The following RGSL1 variants were observed in gnomAD, a reference collection of about 807,000 sequenced individuals.
The protein encoded by RGSL1 is regulator of G protein signaling like 1.
A neutral mutation model predicts 124.7 loss-of-function variants in RGSL1; 97 were observed. The observed-to-expected ratio is 0.78, with a 90% confidence interval of 0.66 to 0.92. The LOEUF (loss-of-function observed/expected upper bound fraction) is 0.92. Among genes scored for constraint, RGSL1 ranks in the 40% least tolerant of loss-of-function variants. RGSL1 has a pLI of 0.00. For synonymous variants in RGSL1, 424 were observed against 438.1 expected (o/e 0.97, Z 0.40); for missense variants, 1,233 against 1,288.4 (o/e 0.96, Z 0.66).
intron 9 of RGSL1, among the ~76,000 whole-genome samples, chr1:182,497,267 ATG>A (rs368217283): frequency 0.013 from 1,978 of 148,206 alleles, 42 homozygotes; most frequent in African/African-American, 0.043. Context: ...GACTGTGTGT[ATG>A]TGTGTGTGTG....
intron 8 of RGSL1, among the ~76,000 whole-genome samples, chr1:182,490,035 T>G (rs1655402865): frequency 1.3e-5 from 2 of 152,232 alleles, no homozygotes; most frequent in Admixed American, 6.5e-5. Flanking sequence ...TGTGTATATG[T>G]GTGCACATAT....
intron 9 of RGSL1, among the ~76,000 whole-genome samples, chr1:182,497,793 T>G (rs1053608118): frequency 2.6e-5 from 4 of 152,214 alleles, no homozygotes; most frequent in Non-Finnish European, 5.9e-5. Flanking sequence ...CATGATTAGG[T>G]TCAGGTTATG....
chr1:182,505,999 T>C (rs1313394474), intron 9 of RGSL1, among the ~76,000 whole-genome samples: 1 of 152,210 alleles, frequency 6.6e-6, no homozygotes, highest in Admixed American at 6.5e-5. Context: ...TTATTGCTCT[T>C]ACTAGGTCTT....
At chr1:182,478,726 C>G (rs1271149732) in intron 6 of RGSL1, among the ~76,000 whole-genome samples, 1 of 152,012 alleles carries the variant, frequency 6.6e-6, no homozygotes, top group African/African-American at 2.4e-5. Context: ...AAATGGATAC[C>G]TAGATTTCTG....
chr1:182,555,949 T>G, intron 20 of RGSL1, 75 bp from the exon 21 acceptor site: 1 of 1,362,442 alleles, frequency 7.3e-7, no homozygotes, highest in Non-Finnish European at 1.0e-6. Context: ...GAAATGACAG[T>G]GACAAACCAA....
chr1:182,548,502 T>A (rs1210195443), intron 16 of RGSL1, 47 bp downstream of exon 16: 2 of 1,548,324 alleles, frequency 1.3e-6, no homozygotes, highest in Non-Finnish European at 1.7e-6. Flanking sequence ...AAGAAGCATT[T>A]CCCCCACAAG....
At chr1:182,453,698 A>T (rs1299734253) in intron 1 of RGSL1, 4 of 357,910 alleles carry the variant, frequency 1.1e-5, no homozygotes, top group Non-Finnish European at 2.0e-5. Context: ...GAAAAAAGAA[A>T]TCTACCACTT....
At chr1:182,493,168 T>A (rs1277470704) in intron 9 of RGSL1, 39 bp downstream of exon 9, 3 of 1,330,656 alleles carry the variant, frequency 2.3e-6, no homozygotes, top group East Asian at 5.0e-5. Flanking sequence ...GGCAACTAGG[T>A]TTTTTCAAAT....
intron 17 of RGSL1, 124 bp downstream of exon 17, chr1:182,548,948 G>C (rs1660396446): frequency 8.1e-7 from 1 of 1,242,204 alleles, no homozygotes; most frequent in Admixed American, 2.7e-5. Flanking sequence ...AACTAAGATG[G>C]TGTTTTCAAA....
chr1:182,493,222 C>A, intron 9 of RGSL1, 93 bp downstream of exon 9: 1 of 846,922 alleles, frequency 1.2e-6, no homozygotes. Flanking sequence ...GGAACATAAG[C>A]CAAAAGAGGA....
At chr1:182,509,566 C>A (rs1284675878) in intron 9 of RGSL1, among the ~76,000 whole-genome samples, 1 of 121,520 alleles carries the variant, frequency 8.2e-6, no homozygotes, top group East Asian at 2.4e-4. Context: ...CCCTCCCGGA[C>A]GGGGTGGCTG....
At chr1:182,472,082 AT>A (rs200178022) in intron 4 of RGSL1, among the ~76,000 whole-genome samples, 1 of 151,656 alleles carries the variant, frequency 6.6e-6, no homozygotes, top group African/African-American at 2.4e-5. Context: ...CCCAATCTTC[AT>A]TTTTTTTGGA....
intron 8 of RGSL1, among the ~76,000 whole-genome samples, chr1:182,489,440 G>A (rs1655359776): frequency 6.6e-6 from 1 of 152,144 alleles, no homozygotes; most frequent in East Asian, 1.9e-4. Flanking sequence ...ACTGACTGTA[G>A]AGCTCCCTGC....
chr1:182,524,872 G>A (rs1362304338), intron 10 of RGSL1, among the ~76,000 whole-genome samples: 1 of 152,272 alleles, frequency 6.6e-6, no homozygotes, highest in East Asian at 1.9e-4. Flanking sequence ...GGAAATCTGG[G>A]AGCAAGATAT....
At chr1:182,507,205 T>A (rs1311743851) in intron 9 of RGSL1, 1 of 152,264 alleles carries the variant, frequency 6.6e-6, no homozygotes, top group Admixed American at 6.6e-5. Flanking sequence ...GTCAGGCTGG[T>A]CTCGAACTCC....
chr1:182,539,373 A>G (rs1479326453), intron 14 of RGSL1, among the ~76,000 whole-genome samples: 1 of 152,180 alleles, frequency 6.6e-6, no homozygotes, highest in African/African-American at 2.4e-5. Context: ...AGGGTCAAGC[A>G]CAGTGTCTGA....
At chr1:182,515,761 C>A (rs984917941) in intron 9 of RGSL1, among the ~76,000 whole-genome samples, 1 of 152,150 alleles carries the variant, frequency 6.6e-6, no homozygotes, top group African/African-American at 2.4e-5. Context: ...CCACCCGCAC[C>A]GTGGCCATTG....
intron 21 of RGSL1, among the ~76,000 whole-genome samples, chr1:182,559,194 T>A (rs1661032279): frequency 6.6e-6 from 1 of 152,184 alleles, no homozygotes; most frequent in Non-Finnish European, 1.5e-5. Context: ...TTGCTTGAGA[T>A]CCCTAGCCCC....
At chr1:182,477,375 G>A (rs778332929) in intron 6 of RGSL1, among the ~76,000 whole-genome samples, 10 of 152,040 alleles carry the variant, frequency 6.6e-5, no homozygotes, top group South Asian at 2.1e-4. Flanking sequence ...AATGCCTTTC[G>A]GTCTCATTAG....
Sources: allele counts gnomAD v4.1 joint callset (sites outside exome capture counted in the v4.1 genomes callset), GRCh38; gene constraint gnomAD v4.1.1; transcripts MANE v1.5; gene names NCBI Gene and HGNC (gene_info 2026-07-23, HGNC 2026-07-21).